Variants in NAALADL2 observed in about 807,000 individuals in gnomAD.
NAALADL2 encodes the protein N-acetylated alpha-linked acidic dipeptidase like 2.
In NAALADL2, 76 loss-of-function variants were observed where a neutral mutation model predicts 87.2. The ratio of observed to expected loss-of-function variants is 0.87; its 90% confidence interval spans 0.72 to 1.05. NAALADL2 has a LOEUF of 1.05. NAALADL2 is among the 50% of genes least tolerant of loss of function. The probability of loss-of-function intolerance (pLI) is 0.00; values close to 1 mark genes in which losing one functional copy is unlikely to be tolerated. For missense variants in NAALADL2, 1,089 were observed against 945.8 expected (o/e 1.15, Z -1.99); for synonymous variants, 354 against 331.0 (o/e 1.07, Z -0.75).
rs73035917 is a variant in NAALADL2 at position 174,827,366 on chromosome 3, G to A, written c.-9+89620G>A. On this transcript the variant is annotated intron_variant, in intron 3 of 3. Coordinates refer to the NAALADL2 transcript ENST00000434257. ...GTCTAGGTGTTGTTGGCAGGACTGT[G>A]TTTCTTCCTGAAAGCATGGAGGGGA... 8.8e-3 allele frequency among the ~76,000 whole-genome samples: 1,346 copies of A among 152,272 alleles called. 17 individuals carry two copies. Among genetic ancestry groups the A allele is most frequent in the African/African-American group, 0.031 (1,271 of 41,550 alleles).
intron 2 of NAALADL2, among the ~76,000 whole-genome samples, chr3:174,689,141 A>G (rs1728320802): frequency 6.6e-6 from 1 of 152,168 alleles, no homozygotes; most frequent in Non-Finnish European, 1.5e-5. Flanking sequence ...TATAATGTTT[A>G]TTTTTTATTA....
chr3:174,817,605 A>T (rs1047570833), intron 3 of NAALADL2, among the ~76,000 whole-genome samples: 3 of 152,180 alleles, frequency 2.0e-5, no homozygotes, highest in Admixed American at 6.5e-5. Context: ...CTGTCCCTTA[A>T]AAATAAATAA....
chr3:174,942,430 G>A (rs925519920), intron 1 of NAALADL2, among the ~76,000 whole-genome samples: 1 of 152,124 alleles, frequency 6.6e-6, no homozygotes, highest in Non-Finnish European at 1.5e-5. Context: ...TCCCTTTGCA[G>A]CTAACCTGCC....
chr3:175,789,215 C>T (rs1200138488), intron 13 of NAALADL2, among the ~76,000 whole-genome samples: 1 of 152,134 alleles, frequency 6.6e-6, no homozygotes, highest in African/African-American at 2.4e-5. Flanking sequence ...CTAATAAATA[C>T]TTGATGAATG....
chr3:175,592,965 C>T lies in NAALADL2; in HGVS notation c.1800+16778C>T, dbSNP rs115812330. On this transcript the variant is annotated intron_variant, in intron 10 of 13. Transcript: ENST00000454872. ...TCCTCTTAATTTCCTTCATTTAACACCTTTCCATGCTTTCATTGAACAATT... is the reference window on the plus strand; with the variant it reads ...TCCTCTTAATTTCCTTCATTTAACATCTTTCCATGCTTTCATTGAACAATT... 3.1e-3 allele frequency among the ~76,000 whole-genome samples: 464 copies of T among 152,054 alleles called. 5 individuals carry two copies. Among genetic ancestry groups the T allele is most frequent in the African/African-American group, 0.011 (438 of 41,480 alleles).
intron 1 of NAALADL2, among the ~76,000 whole-genome samples, chr3:174,464,408 T>C (rs912143280): frequency 2.0e-5 from 3 of 151,006 alleles, no homozygotes; most frequent in Non-Finnish European, 4.4e-5. Flanking sequence ...CAATTTTACC[T>C]AATTTGTTAA....
At chr3:175,565,799 A>G (rs1717009084) in intron 9 of NAALADL2, among the ~76,000 whole-genome samples, 1 of 134,556 alleles carries the variant, frequency 7.4e-6, no homozygotes, top group Admixed American at 7.5e-5. Flanking sequence ...TTTATTCCCT[A>G]TGTCCAAACA....
At chr3:174,488,856 A>G (rs1197390587) in intron 1 of NAALADL2, among the ~76,000 whole-genome samples, 2 of 152,008 alleles carry the variant, frequency 1.3e-5, no homozygotes, top group African/African-American at 4.8e-5. Flanking sequence ...GCTACTCCTC[A>G]TACATTTTTA....
At chr3:174,722,401 G>C (rs1731788478) in intron 2 of NAALADL2, among the ~76,000 whole-genome samples, 2 of 152,098 alleles carry the variant, frequency 1.3e-5, no homozygotes, top group South Asian at 4.1e-4. Flanking sequence ...TAAATAAAGA[G>C]TGATTAATAA....
intron 2 of NAALADL2, among the ~76,000 whole-genome samples, chr3:175,146,082 TC>T (rs1286951719): frequency 6.6e-6 from 1 of 152,148 alleles, no homozygotes. Context: ...TAAGTAAGAT[TC>T]GTGATTCTTA....
chr3:175,202,758 T>C (rs112461683), intron 2 of NAALADL2, among the ~76,000 whole-genome samples: 9 of 152,102 alleles, frequency 5.9e-5, no homozygotes, highest in African/African-American at 2.2e-4. Context: ...GCTAAGTGTG[T>C]CTGAGCTCAG....
intron 5 of NAALADL2, among the ~76,000 whole-genome samples, chr3:175,325,053 G>A (rs2110444459): frequency 6.6e-6 from 1 of 152,268 alleles, no homozygotes; most frequent in African/African-American, 2.4e-5. Context: ...GAATCTTCTT[G>A]CAGGGTGATA....
intron 13 of NAALADL2, among the ~76,000 whole-genome samples, chr3:175,765,427 A>G (rs1748562010): frequency 6.6e-6 from 1 of 152,132 alleles, no homozygotes; most frequent in Non-Finnish European, 1.5e-5. Context: ...CATTTTGTCA[A>G]TATTAGAACA....
At chr3:175,206,288 ATGTATGTG>A (rs1740867017) in intron 2 of NAALADL2, among the ~76,000 whole-genome samples, 20 of 112,210 alleles carry the variant, frequency 1.8e-4, no homozygotes, top group African/African-American at 4.2e-4. Flanking sequence ...GTGTGTGTGT[ATGTATGTG>A]TATATATATA....
intron 2 of NAALADL2, among the ~76,000 whole-genome samples, chr3:175,148,578 T>C (rs919714804): frequency 6.6e-6 from 1 of 152,140 alleles, no homozygotes; most frequent in African/African-American, 2.4e-5. Flanking sequence ...TTTGGGGTTT[T>C]ACATTTAATC....
intron 3 of NAALADL2, among the ~76,000 whole-genome samples, chr3:174,763,417 T>C (rs1713311181): frequency 6.6e-6 from 1 of 151,080 alleles, no homozygotes; most frequent in African/African-American, 2.4e-5. Context: ...TGAAACCCTG[T>C]CTCTACTAAA....
chr3:175,180,041 A>G (rs1232452083), intron 2 of NAALADL2, among the ~76,000 whole-genome samples: 1 of 151,990 alleles, frequency 6.6e-6, no homozygotes, highest in Admixed American at 6.6e-5. Context: ...TTAGCAGGCC[A>G]TAAGGTGTTT....
chr3:175,377,553 G>A (rs1000998121), intron 5 of NAALADL2, among the ~76,000 whole-genome samples: 2 of 152,172 alleles, frequency 1.3e-5, no homozygotes, highest in African/African-American at 2.4e-5. Context: ...CGGGGGCAGA[G>A]AAATTCTAGG....
chr3:174,810,652 G>A (rs1720071956), intron 3 of NAALADL2, among the ~76,000 whole-genome samples: 1 of 151,628 alleles, frequency 6.6e-6, no homozygotes, highest in Admixed American at 6.6e-5. Context: ...GGGAAGCAGA[G>A]CATAAACATT....
Sources: gnomAD v4.1 joint callset for allele counts (sites outside exome capture counted in the v4.1 genomes callset) on GRCh38, gnomAD v4.1.1 for gene constraint, MANE v1.5 for transcripts, NCBI Gene and HGNC (gene_info 2026-07-23, HGNC 2026-07-21) for gene names.